Variants in PPP1R9A observed in about 807,000 individuals in gnomAD.
The protein encoded by PPP1R9A is protein phosphatase 1 regulatory subunit 9A.
PPP1R9A carries 59 observed loss-of-function variants against 141.9 expected under a neutral mutation model. The observed-to-expected ratio is 0.42, with a 90% CI of 0.34 to 0.52. The LOEUF is 0.52. PPP1R9A is among the 20% of genes least tolerant of loss of function. The pLI is 0.10. For synonymous variants in PPP1R9A, 500 were observed against 569.7 expected, an observed-to-expected ratio of 0.88 and a Z score of 1.74; for missense variants, 1,444 against 1,611.9, an observed-to-expected ratio of 0.90 and a Z score of 1.78.
intron 2 of PPP1R9A, among the ~76,000 whole-genome samples, chr7:95,063,534 C>T (rs1812536732): frequency 6.6e-6 from 1 of 152,100 alleles, no homozygotes; most frequent in South Asian, 2.1e-4. Context: ...CACTGTACTC[C>T]AGCCTGGGCA....
intron 14 of PPP1R9A, among the ~76,000 whole-genome samples, chr7:95,273,413 TC>T (rs1321262467): frequency 6.6e-6 from 1 of 152,134 alleles, no homozygotes; most frequent in Non-Finnish European, 1.5e-5. Context: ...ACTCTGACTT[TC>T]CCCCTAAATC....
At chr7:95,139,763 G>A (rs1257805768) in intron 4 of PPP1R9A, among the ~76,000 whole-genome samples, 1 of 150,376 alleles carries the variant, frequency 6.6e-6, no homozygotes, top group African/African-American at 2.5e-5. Context: ...TCCCTCATGT[G>A]GGAGCTGTAG....
chr7:95,163,079 C>T (rs1830672317), intron 5 of PPP1R9A, among the ~76,000 whole-genome samples: 1 of 152,134 alleles, frequency 6.6e-6, no homozygotes, highest in Non-Finnish European at 1.5e-5. Flanking sequence ...ACAGCACTTT[C>T]CCATGTCTGT....
At chr7:95,266,048 G>A (rs1295650298) in intron 12 of PPP1R9A, among the ~76,000 whole-genome samples, 10 of 152,114 alleles carry the variant, frequency 6.6e-5, no homozygotes, top group Non-Finnish European at 1.3e-4. Flanking sequence ...TAAATTTTCT[G>A]CACTATTAAA....
intron 19 of PPP1R9A, among the ~76,000 whole-genome samples, chr7:95,289,432 G>A (rs781558018): frequency 9.9e-5 from 15 of 152,238 alleles, no homozygotes; most frequent in Non-Finnish European, 1.8e-4. Flanking sequence ...TGACAAGGCT[G>A]TCCCTGTTGG....
At position 95,237,926 on chromosome 7, in the gene PPP1R9A, C is replaced by A. The variant is rs554873876; in HGVS notation, c.2113-9547C>A. 2.6e-5 allele frequency among the ~76,000 whole-genome samples: 4 copies of A among 151,830 alleles called. No individual in the cohort carries two copies. In the South Asian group the frequency reaches 8.3e-4, roughly 32 times the overall value. ...CAATGTCCATTCTTTTTTCTTATTT[C>A]TTTTTTAAGTCTTTCTACCTACTTG... On this transcript the variant is annotated intron_variant, in intron 8 of 19. Coordinates refer to ENST00000433360, the MANE Select transcript of PPP1R9A (RefSeq NM_001166160.2).
intron 2 of PPP1R9A, among the ~76,000 whole-genome samples, chr7:94,934,709 CTG>C (rs1306238382): frequency 2.0e-5 from 3 of 151,834 alleles, no homozygotes; most frequent in East Asian, 3.9e-4. Context: ...ACATATATGT[CTG>C]TGTGTGTATA....
intron 2 of PPP1R9A, among the ~76,000 whole-genome samples, chr7:95,028,191 G>T (rs1034116742): frequency 4.6e-5 from 7 of 152,128 alleles, no homozygotes; most frequent in African/African-American, 1.7e-4. Flanking sequence ...ATACTGTAGA[G>T]AAATCAAGTA....
At chr7:94,935,044 G>A (rs11978536) in intron 2 of PPP1R9A, among the ~76,000 whole-genome samples, 2,096 of 152,138 alleles carry the variant, frequency 0.014, 36 homozygotes, top group African/African-American at 0.047. Flanking sequence ...TTGATTAACA[G>A]CAATTCTAAG....
At chr7:95,063,562 T>TA (rs1378287603) in intron 2 of PPP1R9A, among the ~76,000 whole-genome samples, 4 of 151,986 alleles carry the variant, frequency 2.6e-5, no homozygotes, top group South Asian at 2.1e-4. Flanking sequence ...AAGACTTTTT[T>TA]AAAAAAAAAT....
chr7:94,956,663 G>A (rs1446631234), intron 2 of PPP1R9A, among the ~76,000 whole-genome samples: 1 of 152,010 alleles, frequency 6.6e-6, no homozygotes, highest in Non-Finnish European at 1.5e-5. Flanking sequence ...AGCTATGATT[G>A]CGCTACTGCA....
At chr7:95,213,468 G>C (rs1029645410) in intron 7 of PPP1R9A, among the ~76,000 whole-genome samples, 16 of 151,738 alleles carry the variant, frequency 1.1e-4, no homozygotes, top group Non-Finnish European at 1.8e-4. Context: ...TTACAGGCCA[G>C]TGCCACCATT....
intron 2 of PPP1R9A, among the ~76,000 whole-genome samples, chr7:95,038,838 G>A (rs1039795248): frequency 5.3e-5 from 8 of 152,142 alleles, no homozygotes; most frequent in African/African-American, 1.9e-4. Flanking sequence ...GCAGATGACA[G>A]CTGAAAGAAC....
chr7:95,189,627 G>A (rs1835185889), intron 5 of PPP1R9A, among the ~76,000 whole-genome samples: 2 of 151,216 alleles, frequency 1.3e-5, no homozygotes, highest in South Asian at 2.1e-4. Flanking sequence ...TAGTAGAGAC[G>A]GGGTTTCACC....
chr7:95,235,389 TAAAC>T (rs1439710874), intron 8 of PPP1R9A, among the ~76,000 whole-genome samples: 1 of 152,056 alleles, frequency 6.6e-6, no homozygotes, highest in Non-Finnish European at 1.5e-5. Flanking sequence ...CAAAAGAAGA[TAAAC>T]AAATGTCCAA....
At chr7:95,189,699 G>A (rs189898153) in intron 5 of PPP1R9A, among the ~76,000 whole-genome samples, 14 of 152,072 alleles carry the variant, frequency 9.2e-5, no homozygotes, top group Admixed American at 9.2e-4. Context: ...GCCTCCCAAA[G>A]TGCTGGGATT....
intron 2 of PPP1R9A, among the ~76,000 whole-genome samples, chr7:94,920,176 G>A (rs191704688): frequency 8.5e-5 from 13 of 152,260 alleles, no homozygotes; most frequent in Admixed American, 6.5e-4. Context: ...CAATTTTATA[G>A]AGTGGATTTT....
intron 8 of PPP1R9A, among the ~76,000 whole-genome samples, chr7:95,229,585 A>C (rs1795627308): frequency 6.6e-6 from 1 of 151,952 alleles, no homozygotes. Flanking sequence ...TGGGAACCAC[A>C]ACCTCCTCCC....
intron 4 of PPP1R9A, among the ~76,000 whole-genome samples, chr7:95,126,948 T>C (rs1354932568): frequency 6.6e-6 from 1 of 152,110 alleles, no homozygotes; most frequent in Non-Finnish European, 1.5e-5. Flanking sequence ...CCTGAACCAC[T>C]GCCTTTTTCA....
Sources: gnomAD v4.1 joint callset for allele counts (sites outside exome capture counted in the v4.1 genomes callset) on GRCh38, gnomAD v4.1.1 for gene constraint, MANE v1.5 for transcripts, NCBI Gene and HGNC (gene_info 2026-07-23, HGNC 2026-07-21) for gene names.